The following IL18RAP variants were observed in gnomAD, a reference collection of about 807,000 sequenced individuals.
IL18RAP encodes the protein interleukin-18 receptor accessory protein.
A neutral mutation model predicts 58.1 loss-of-function variants in IL18RAP; 37 were observed. That is an observed-to-expected ratio of 0.64 (90% CI 0.49 to 0.84). IL18RAP has a LOEUF of 0.84. Among genes scored for constraint, IL18RAP ranks in the 40% least tolerant of loss-of-function variants. The probability of loss-of-function intolerance (pLI) is 0.00; values close to 1 mark genes in which losing one functional copy is unlikely to be tolerated. For missense variants in IL18RAP, 667 were observed against 704.8 expected, an observed-to-expected ratio of 0.95 and a Z score of 0.61; for synonymous variants, 268 against 257.5, an observed-to-expected ratio of 1.04 and a Z score of -0.39.
chr2:102,423,339 A>C lies in IL18RAP; in HGVS notation c.62A>C (p.Asn21Thr). Reference protein sequence around the residue: ...LVAGERIKGFNISGCSTKKLL... With the variant: ...LVAGERIKGFTISGCSTKKLL... ...GCAGGAGAGCGAATTAAAGGATTTAATATTTCAGGTAGGGGTTTTCACTTT... is the reference window on the plus strand; with the variant it reads ...GCAGGAGAGCGAATTAAAGGATTTACTATTTCAGGTAGGGGTTTTCACTTT... The change falls in exon 1 of 10, where the codon AAT (asparagine) becomes ACT (threonine). Residue 21 changes from asparagine (N) to threonine (T), a missense_variant. Transcript: ENST00000687160. 2 of 1,613,898 alleles carry C rather than the reference A, an allele frequency of 1.2e-6. No homozygotes were observed. The highest frequency in any genetic ancestry group is 2.2e-5 in the South Asian group (2 of 91,084).
At chr2:102,435,416 G>A (rs889047291) in intron 3 of IL18RAP, 1 of 152,154 alleles carries the variant, frequency 6.6e-6, no homozygotes, top group Non-Finnish European at 1.5e-5. Flanking sequence ...TAGCATATTT[G>A]GTGTTTTTCT....
At chr2:102,420,620 G>C (rs868463037), upstream of IL18RAP, among the ~76,000 whole-genome samples, 1 of 152,272 alleles carries the variant, frequency 6.6e-6, no homozygotes. Context: ...ATAAATTGCG[G>C]GATGGTAGAG....
chr2:102,451,143 A>G (rs1683739558), intron 9 of IL18RAP, 122 bp downstream of exon 9: 1 of 710,126 alleles, frequency 1.4e-6, no homozygotes, highest in Non-Finnish European at 2.2e-6. Flanking sequence ...AGGTTAGAAC[A>G]TCTTGGGCAA....
Position 102,423,813 on chromosome 2 carries a change from T to G in IL18RAP, c.73T>G (p.Cys25Gly). The change falls in exon 2 of 10, where the codon TGT (cysteine) becomes GGT (glycine). Residue 25 changes from cysteine (C) to glycine (G), a missense_variant and splice_region_variant. Physicochemically the swap from Cys to Gly is radical, Grantham distance 159. Transcript: ENST00000687160. ...ERIKGFNISG[C>G]STKKLLWTYS... Reference sequence around the variant, plus strand: ...GCTTTGTTTATTATGATTTTCAGGTTGTTCCACAAAAAAACTCCTTTGGAC... The same window carrying G: ...GCTTTGTTTATTATGATTTTCAGGTGGTTCCACAAAAAAACTCCTTTGGAC... 6.2e-7 allele frequency: 1 copy of G among 1,608,208 alleles called. No homozygotes were observed. The highest frequency in any genetic ancestry group is 8.5e-7 in the Non-Finnish European group (1 of 1,175,434).
chr2:102,441,313 G>A lies in IL18RAP; in HGVS notation c.732G>A (p.Val244=), dbSNP rs766292993. ...GTAATCTTTGTTTTCATCTTTCAGT[G>A]GGAGACACTAAACTCAAACCAGATA... The part of the protein sequence containing the change: ...VRAVVQVRTI[V]GDTKLKPDIL... Residue 244 remains valine (V), a splice_region_variant and synonymous_variant, in exon 5 of 10, where the codon GTG becomes GTA. Coordinates refer to ENST00000687160, the MANE Select transcript of IL18RAP (RefSeq NM_001393487.1). The A allele has an allele frequency of 1.8e-5, 29 of 1,612,272 alleles. No individual in the cohort carries two copies. The East Asian group carries it at 6.2e-4, about 35-fold the overall frequency.
chr2:102,449,087 G>A (rs6543136), intron 8 of IL18RAP, among the ~76,000 whole-genome samples: 46,757 of 151,446 alleles, frequency 0.31, 7,716 homozygotes, highest in African/African-American at 0.38. Context: ...GGCCAACACG[G>A]TGCAACCCCA....
At chr2:102,434,328 G>A (rs185973731) in intron 3 of IL18RAP, 87 of 152,240 alleles carry the variant, frequency 5.7e-4, no homozygotes, top group African/African-American at 2.0e-3. Context: ...CTGAAATCAA[G>A]CAAGTTCTCT....
upstream of IL18RAP, among the ~76,000 whole-genome samples, chr2:102,422,169 G>A (rs928894883): frequency 1.3e-5 from 2 of 152,098 alleles, no homozygotes; most frequent in African/African-American, 4.8e-5. Context: ...AGCTTTTGGT[G>A]GCCAAACCAA....
chr2:102,419,269 C>T (rs1343069761), upstream of IL18RAP, among the ~76,000 whole-genome samples: 3 of 152,210 alleles, frequency 2.0e-5, no homozygotes, highest in Non-Finnish European at 2.9e-5. Context: ...ATGGCAGGTA[C>T]TACAGCTTCA....
rs11465702 is a variant in IL18RAP at position 102,441,432 on chromosome 2, A to G, written c.796+55A>G. ...CATCGTGCTGCTGGGAGCAGGTCTA[A>G]GTGTGATAGAAGGAAAACAGCATTG... is the stretch of plus-strand genomic sequence containing the variant. On this transcript the variant is annotated intron_variant, in intron 5 of 9. Transcript: ENST00000687160. 0.13 allele frequency: 181,501 copies of G among 1,383,484 alleles called. 13,148 individuals carry two copies. The highest frequency in any genetic ancestry group is 0.15 in the Non-Finnish European group (141,909 of 974,350). 85.7% of individuals were successfully genotyped at this position (1,383,484 alleles called of 1,614,324 possible). A position where few individuals can be genotyped will look rare whatever the true frequency, so the allele number is the denominator to read the frequency against.
At chr2:102,429,714 A>C (rs1320873639) in intron 3 of IL18RAP, among the ~76,000 whole-genome samples, 1 of 151,946 alleles carries the variant, frequency 6.6e-6, no homozygotes, top group Non-Finnish European at 1.5e-5. Context: ...CATTGCTATA[A>C]ATTTCCCTCA....
chr2:102,436,189 T>C (rs1303302697), intron 3 of IL18RAP, among the ~76,000 whole-genome samples: 2 of 152,108 alleles, frequency 1.3e-5, no homozygotes, highest in African/African-American at 2.4e-5. Flanking sequence ...TTATTCCCCA[T>C]CCTCCCCCTT....
chr2:102,424,074 C>A lies in IL18RAP; in HGVS notation c.334C>A (p.His112Asn), dbSNP rs1264366773. 14 of 1,614,004 alleles carry A rather than the reference C, an allele frequency of 8.7e-6. No individual in the cohort carries two copies. Among genetic ancestry groups the A allele is most frequent in the Non-Finnish European group, 1.2e-5 (14 of 1,179,982 alleles). ...PHIIQDKCTLHFLTPGVNNSG... is the reference protein window; with the variant it reads ...PHIIQDKCTLNFLTPGVNNSG... ...CATCATTCAGGACAAATGTACCCTT[C>A]ACTTTTTGACCCCAGGGGTGAATAA... Residue 112 changes from histidine (H) to asparagine (N), a missense_variant, in exon 2 of 10, where the codon CAC (histidine) becomes AAC (asparagine). Physicochemically the swap from His to Asn is moderately conservative, Grantham distance 68 (BLOSUM62 1). Transcript: ENST00000687160.
chr2:102,447,726 G>GTATGTATGTATT lies in IL18RAP; in HGVS notation c.1210+522_1210+523insGTATGTATTTAT, dbSNP rs377209832. Among the ~76,000 whole-genome samples, 601 of 149,740 alleles carry GTATGTATGTATT rather than the reference G, an allele frequency of 4.0e-3. 6 individuals are homozygous for GTATGTATGTATT. Among genetic ancestry groups the GTATGTATGTATT allele is most frequent in the African/African-American group, 0.014 (567 of 40,164 alleles). On this transcript the variant is annotated intron_variant, in intron 8 of 9. Transcript: ENST00000687160. ...TTCATTTATGTATGTATGTATGTATGTATTTATTTATTTATTTATTTTGAG... is the reference window on the plus strand; with the variant it reads ...TTCATTTATGTATGTATGTATGTATGTATGTATGTATTTATTTATTTATTTATTTATTTTGAG...
intron 5 of IL18RAP, among the ~76,000 whole-genome samples, chr2:102,442,795 TAAAC>T (rs1458024295): frequency 6.6e-6 from 1 of 152,232 alleles, no homozygotes; most frequent in Non-Finnish European, 1.5e-5. Context: ...TTTTACTTAA[TAAAC>T]AAATATTGGA....
At chr2:102,439,960 C>T (rs1471213890) in intron 4 of IL18RAP, 1 of 152,178 alleles carries the variant, frequency 6.6e-6, no homozygotes, top group Non-Finnish European at 1.5e-5. Context: ...AGAGCCAAAC[C>T]CGGAAATGCT....
At chr2:102,443,455 A>C (rs1312618384) in intron 6 of IL18RAP, 132 bp downstream of exon 6, 8 of 997,966 alleles carry the variant, frequency 8.0e-6, no homozygotes, top group African/African-American at 1.7e-5. Flanking sequence ...AAGCACAAAA[A>C]TGCAAAGTGC....
At chr2:102,421,492 G>A (rs1373702571), upstream of IL18RAP, among the ~76,000 whole-genome samples, 1 of 152,190 alleles carries the variant, frequency 6.6e-6, no homozygotes, top group East Asian at 1.9e-4. Flanking sequence ...GGTGGAGTTG[G>A]AGGACTGTTC....
At chr2:102,426,484 G>A (rs1217988061) in intron 3 of IL18RAP, among the ~76,000 whole-genome samples, 1 of 151,444 alleles carries the variant, frequency 6.6e-6, no homozygotes, top group African/African-American at 2.4e-5. Flanking sequence ...AATCATAATT[G>A]TATACATTTA....
Sources: allele counts gnomAD v4.1 joint callset (sites outside exome capture counted in the v4.1 genomes callset), GRCh38; gene constraint gnomAD v4.1.1; transcripts MANE v1.5; gene names NCBI Gene and HGNC (gene_info 2026-07-23, HGNC 2026-07-21).